Variants in ZPBP observed in about 807,000 individuals in gnomAD.
The protein encoded by ZPBP is zona pellucida-binding protein 1.
A neutral mutation model predicts 44.8 loss-of-function variants in ZPBP; 26 were observed. The ratio of observed to expected loss-of-function variants is 0.58; its 90% CI spans 0.43 to 0.81. ZPBP has a LOEUF of 0.81. Among genes scored for constraint, ZPBP ranks in the 30% least tolerant of loss-of-function variants. ZPBP has a pLI of 0.00. For missense variants in ZPBP, 409 were observed against 434.0 expected, an observed-to-expected ratio of 0.94 and a Z score of 0.51; for synonymous variants, 174 against 153.2, an observed-to-expected ratio of 1.14 and a Z score of -1.00.
At chr7:49,896,938 G>A (rs1201213356) in intron 2 of ZPBP, among the ~76,000 whole-genome samples, 1 of 138,494 alleles carries the variant, frequency 7.2e-6, no homozygotes, top group African/African-American at 2.7e-5. Flanking sequence ...GCCCAGGCCG[G>A]ACTGCAGACT....
intron 5 of ZPBP, among the ~76,000 whole-genome samples, chr7:50,027,768 C>G (rs993833321): frequency 1.3e-5 from 2 of 151,744 alleles, no homozygotes; most frequent in Non-Finnish European, 2.9e-5. Context: ...AAAAGGATAA[C>G]AAGAGAACAA....
intron 1 of ZPBP, among the ~76,000 whole-genome samples, chr7:49,901,601 T>A (rs371412444): frequency 6.6e-6 from 1 of 151,750 alleles, no homozygotes; most frequent in South Asian, 2.1e-4. Context: ...ATAGAAAGAC[T>A]CAACATTATC....
chr7:49,913,334 A>C (rs1404280535), intron 1 of ZPBP: 2 of 152,230 alleles, frequency 1.3e-5, no homozygotes, highest in East Asian at 3.8e-4. Context: ...CAGAGAACAT[A>C]AAAAGCCACT....
chr7:49,856,192 T>C (rs113959542), intron 2 of ZPBP, among the ~76,000 whole-genome samples: 2 of 152,162 alleles, frequency 1.3e-5, no homozygotes, highest in South Asian at 4.2e-4. Context: ...TGATCCCTAA[T>C]GTTGGAGATG....
chr7:49,991,530 G>C (rs539332031), intron 6 of ZPBP, among the ~76,000 whole-genome samples: 1 of 151,970 alleles, frequency 6.6e-6, no homozygotes, highest in African/African-American at 2.4e-5. Context: ...TTGCAATGTC[G>C]GGACAACTTC....
chr7:49,840,657 C>G, the ZPBP span, among the ~76,000 whole-genome samples: 1 of 152,012 alleles, frequency 6.6e-6, no homozygotes, highest in East Asian at 1.9e-4. Context: ...TTTTTTCTTC[C>G]CATATTACTA....
intron 2 of ZPBP, among the ~76,000 whole-genome samples, chr7:49,868,997 T>G (rs1429563679): frequency 1.3e-5 from 2 of 152,270 alleles, no homozygotes; most frequent in Admixed American, 6.5e-5. Flanking sequence ...GAGTACGGTT[T>G]CTGAAGGGAT....
intron 2 of ZPBP, among the ~76,000 whole-genome samples, chr7:49,872,624 G>A (rs887379256): frequency 4.0e-5 from 6 of 151,550 alleles, no homozygotes; most frequent in Non-Finnish European, 8.8e-5. Context: ...CAGAATTTGG[G>A]GCTGGGCGCA....
At chr7:49,921,131 G>C (rs1562777029) in intron 1 of ZPBP, 1 of 152,204 alleles carries the variant, frequency 6.6e-6, no homozygotes, top group East Asian at 1.9e-4. Context: ...ACTGTGCTTA[G>C]TGTTGAAGAT....
At chr7:49,896,479 A>C (rs1792388662) in intron 2 of ZPBP, among the ~76,000 whole-genome samples, 1 of 152,200 alleles carries the variant, frequency 6.6e-6, no homozygotes, top group Non-Finnish European at 1.5e-5. Context: ...CTACTTGAAG[A>C]AACTTGAAAA....
chr7:49,978,798 G>T (rs1187971995), intron 7 of ZPBP, among the ~76,000 whole-genome samples: 1 of 151,834 alleles, frequency 6.6e-6, no homozygotes, highest in Admixed American at 6.6e-5. Flanking sequence ...TTTCTATTCA[G>T]AGAATTATTT....
intron 2 of ZPBP, among the ~76,000 whole-genome samples, chr7:49,881,273 T>C (rs2128727148): frequency 6.6e-6 from 1 of 152,294 alleles, no homozygotes; most frequent in African/African-American, 2.4e-5. Flanking sequence ...ATTTGTTTCA[T>C]CAACCAGCTA....
intron 3 of ZPBP, among the ~76,000 whole-genome samples, chr7:50,068,670 C>T (rs1351003137): frequency 3.3e-5 from 5 of 152,128 alleles, no homozygotes; most frequent in Non-Finnish European, 5.9e-5. Context: ...GCCTTCTGAT[C>T]TCGGTTAATT....
In ZPBP at chr7:49,943,547, G is replaced by A. The variant is rs577620287; in HGVS notation, c.962-5925C>T. The A allele has an allele frequency of 3.8e-5, 15 of 392,552 alleles. 1 individual carries two copies. In the East Asian group the frequency reaches 9.4e-4, roughly 25 times the overall value. 24.3% of individuals were successfully genotyped at this position (392,552 alleles called of 1,614,324 possible). ...AACTTTCCAAACTGCCACAGAAGCT[G>A]AATAAATGCTCCTTTGCGAAAGGGG... On this transcript the variant is annotated intron_variant, in intron 7 of 7. Coordinates refer to ENST00000046087, the MANE Select transcript of ZPBP (RefSeq NM_007009.3).
chr7:49,902,491 TTTTG>T (rs1038628510), intron 1 of ZPBP, among the ~76,000 whole-genome samples: 7 of 151,802 alleles, frequency 4.6e-5, no homozygotes, highest in African/African-American at 9.7e-5. Flanking sequence ...AAGGGTAGTT[TTTTG>T]TTTGTTTGTT....
At chr7:49,890,770 A>C (rs1792095057) in intron 2 of ZPBP, among the ~76,000 whole-genome samples, 1 of 152,088 alleles carries the variant, frequency 6.6e-6, no homozygotes, top group Non-Finnish European at 1.5e-5. Flanking sequence ...GAGAGAACAA[A>C]GGACTTGAAG....
At chr7:50,048,112 C>A (rs1390357050) in intron 4 of ZPBP, among the ~76,000 whole-genome samples, 1 of 151,628 alleles carries the variant, frequency 6.6e-6, no homozygotes, top group African/African-American at 2.4e-5. Flanking sequence ...GAGTCAGGTA[C>A]AAGGAACACT....
chr7:49,989,632 A>G (rs1797473042), intron 6 of ZPBP, among the ~76,000 whole-genome samples: 1 of 152,168 alleles, frequency 6.6e-6, no homozygotes, highest in East Asian at 1.9e-4. Context: ...TTGTCATCAA[A>G]ATCTACATTC....
intron 3 of ZPBP, among the ~76,000 whole-genome samples, chr7:50,076,701 T>C (rs544708405): frequency 1.3e-5 from 2 of 150,878 alleles, no homozygotes; most frequent in Non-Finnish European, 3.0e-5. Flanking sequence ...AAGTGAAAGA[T>C]CTCTATAATG....
Sources: gnomAD v4.1 joint callset for allele counts (sites outside exome capture counted in the v4.1 genomes callset) on GRCh38, gnomAD v4.1.1 for gene constraint, MANE v1.5 for transcripts, NCBI Gene and HGNC (gene_info 2026-07-23, HGNC 2026-07-21) for gene names.